Variants in ZNF385A observed in about 807,000 individuals in gnomAD.
ZNF385A encodes the protein zinc finger protein 385A, also known as hematopoietic zinc finger protein.
In ZNF385A, 14 loss-of-function variants were observed where a neutral mutation model predicts 32.1. That is an observed-to-expected ratio of 0.44 (90% CI 0.29 to 0.68). ZNF385A has a LOEUF of 0.68. Among genes scored for constraint, ZNF385A ranks in the 30% least tolerant of loss-of-function variants. The pLI is 0.14. For missense variants in ZNF385A, 406 were observed against 478.4 expected (o/e 0.85, Z 1.41); for synonymous variants, 197 against 202.7 (o/e 0.97, Z 0.24).
At chr12:54,378,670 G>C (rs998317021) in intron 1 of ZNF385A, among the ~76,000 whole-genome samples, 2 of 152,158 alleles carry the variant, frequency 1.3e-5, no homozygotes, top group African/African-American at 4.8e-5. Flanking sequence ...GAAGGACTGA[G>C]ATAGGAAAGA....
At chr12:54,371,413 T>C in intron 4 of ZNF385A, 60 bp downstream of exon 4, 1 of 1,570,106 alleles carries the variant, frequency 6.4e-7, no homozygotes, top group Non-Finnish European at 8.6e-7. Context: ...GGCATTAGGA[T>C]GTAGAGGCAG....
intron 1 of ZNF385A, chr12:54,381,170 TG>T (rs1955148074): frequency 2.3e-5 from 3 of 131,506 alleles, no homozygotes; most frequent in Non-Finnish European, 4.6e-5. Context: ...CACTCCAGCC[TG>T]GGGGACAGAG....
At chr12:54,376,596 T>C (rs1000456155) in intron 1 of ZNF385A, among the ~76,000 whole-genome samples, 10 of 152,206 alleles carry the variant, frequency 6.6e-5, no homozygotes, top group Admixed American at 5.2e-4. Flanking sequence ...TGGGGGGACC[T>C]AAGCAGCTGG....
chr12:54,385,890 C>T (rs535340228), upstream of ZNF385A: 36 of 153,510 alleles, frequency 2.3e-4, no homozygotes, highest in East Asian at 1.7e-3. Context: ...GAATCTGAGG[C>T]GACAGGGAGG....
At chr12:54,383,889 G>T (rs926533144) in intron 1 of ZNF385A, among the ~76,000 whole-genome samples, 1 of 152,138 alleles carries the variant, frequency 6.6e-6, no homozygotes, top group Non-Finnish European at 1.5e-5. Flanking sequence ...GTGAGACTCC[G>T]TCTCATAAAA....
At chr12:54,391,284 C>T in exon 1 of ZNF385A, 1 of 1,339,456 alleles carries the variant, frequency 7.5e-7, no homozygotes, top group Non-Finnish European at 9.6e-7. Context: ...GTCGCTCTGT[C>T]CCGGGGGCCG....
upstream of ZNF385A, among the ~76,000 whole-genome samples, chr12:54,385,966 T>C (rs867613347): frequency 4.0e-4 from 61 of 151,794 alleles, no homozygotes; most frequent in African/African-American, 1.4e-3. Context: ...GAGGGGTCTG[T>C]CTCTTTCACC....
At chr12:54,381,163 T>A (rs1320860367) in intron 1 of ZNF385A, 4 of 133,994 alleles carry the variant, frequency 3.0e-5, no homozygotes, top group African/African-American at 1.2e-4. Flanking sequence ...GCCACTGCAC[T>A]CCAGCCTGGG....
At position 54,370,137 on chromosome 12, in the gene ZNF385A, TGGG is replaced by T; in HGVS notation, c.*116_*118del. 1 of 460,914 alleles carries T rather than the reference TGGG, an allele frequency of 2.2e-6. No homozygotes were observed. The highest frequency in any genetic ancestry group is 3.2e-6 in the Non-Finnish European group (1 of 309,732). The allele number at this position is 460,914 out of a possible 1,614,324, so 28.6% of individuals were successfully genotyped here. A position where few individuals can be genotyped will look rare whatever the true frequency, so the allele number is the denominator to read the frequency against. On this transcript the variant is annotated 3_prime_UTR_variant, in exon 7 of 7. Coordinates refer to ENST00000394313, the MANE Select transcript of ZNF385A (RefSeq NM_015481.3). This position sits in a 1 kb window ranked among gnomAD's most constrained non-coding sequence, Gnocchi z 5.5. ...TTTCCTGGAACCCCGTATCTCGGGG[TGGG>T]GGGGGGGAAGGAGAGATCATTTAGG...
At chr12:54,375,510 C>A (rs529544897) in intron 2 of ZNF385A, among the ~76,000 whole-genome samples, 2 of 151,646 alleles carry the variant, frequency 1.3e-5, no homozygotes, top group Admixed American at 6.6e-5. Flanking sequence ...AACCAGTGGG[C>A]CAGAGGCCAC....
chr12:54,370,801 CGGCCCCCTCCCATCT>C lies in ZNF385A; in HGVS notation c.775-95_775-81del, dbSNP rs1264145071. The C allele has an allele frequency of 1.3e-6, 2 of 1,590,118 alleles. No individual in the cohort carries two copies. Among genetic ancestry groups the C allele is most frequent in the Non-Finnish European group, 1.7e-6 (2 of 1,168,654 alleles). On this transcript the variant is annotated intron_variant, in intron 5 of 6. Coordinates refer to ENST00000394313, the MANE Select transcript of ZNF385A (RefSeq NM_015481.3). The surrounding 1 kb of genome is among the most constrained non-coding windows in gnomAD (Gnocchi z 5.5). Reference sequence around the variant, plus strand: ...GGGAGTATAATCAAGCTCCAAGCACCGGCCCCCTCCCATCTGGCCCCCTGGGGAAAACTCTGAAGA... The same window carrying C: ...GGGAGTATAATCAAGCTCCAAGCACCGGCCCCCTGGGGAAAACTCTGAAGA...
intron 1 of ZNF385A, among the ~76,000 whole-genome samples, chr12:54,380,331 T>C (rs1955081293): frequency 6.6e-6 from 1 of 152,244 alleles, no homozygotes; most frequent in South Asian, 2.1e-4. Flanking sequence ...TAAGTACTAT[T>C]ATTATCTTCA....
chr12:54,382,421 C>T (rs1955240613), intron 1 of ZNF385A, among the ~76,000 whole-genome samples: 3 of 152,114 alleles, frequency 2.0e-5, no homozygotes, highest in African/African-American at 7.2e-5. Context: ...CTGGGTCCCT[C>T]ATTTGGGGGG....
upstream of ZNF385A, chr12:54,384,934 G>A: frequency 9.7e-7 from 1 of 1,026,018 alleles, no homozygotes; most frequent in East Asian, 8.4e-5. Context: ...TTCTGGTTTT[G>A]CTTTCCCCCA....
intron 2 of ZNF385A, among the ~76,000 whole-genome samples, chr12:54,374,739 G>C (rs73113372): frequency 0.024 from 3,692 of 152,234 alleles, 68 homozygotes; most frequent in Non-Finnish European, 0.039. Flanking sequence ...CATTTGATGG[G>C]GGAGGGGAGG....
intron 1 of ZNF385A, chr12:54,391,125 G>A (rs1955629523): frequency 3.3e-6 from 4 of 1,205,396 alleles, no homozygotes; most frequent in Non-Finnish European, 1.1e-6. Flanking sequence ...ACCGGTCGCT[G>A]ACGGGCGGCC....
chr12:54,391,250 G>C, exon 1 of ZNF385A: 1 of 1,406,952 alleles, frequency 7.1e-7, no homozygotes, highest in South Asian at 1.5e-5. Flanking sequence ...ATCATGCTGG[G>C]GACCCAGGCG....
chr12:54,371,335 T>C (rs999470781), intron 4 of ZNF385A, 138 bp downstream of exon 4: 38 of 1,232,920 alleles, frequency 3.1e-5, no homozygotes, highest in South Asian at 1.3e-4. Flanking sequence ...ACAGGGGAGA[T>C]GGCTGGAGAA....
Position 54,384,619 on chromosome 12 carries a change from C to T in ZNF385A, c.-105G>A, listed in dbSNP as rs1955371870. 1 of 1,424,360 alleles carries T rather than the reference C, an allele frequency of 7.0e-7. No homozygotes were observed. The highest frequency in any genetic ancestry group is 9.2e-7 in the Non-Finnish European group (1 of 1,091,830). 88.2% of individuals were successfully genotyped at this position (1,424,360 alleles called of 1,614,324 possible). On this transcript the variant is annotated 5_prime_UTR_variant, in exon 1 of 7. Coordinates refer to ENST00000394313, the MANE Select transcript of ZNF385A (RefSeq NM_015481.3). The stretch of plus-strand genomic sequence containing the variant: ...TAGGAAGATTAAAGCTTGGGAACCC[C>T]ACCCAAGCCTGCCAGTCCCACTCCC...
Sources: gnomAD v4.1 joint callset for allele counts (sites outside exome capture counted in the v4.1 genomes callset) on GRCh38, gnomAD v4.1.1 for gene constraint, Gnocchi (gnomAD v3.1) non-coding constraint, MANE v1.5 for transcripts, NCBI Gene and HGNC (gene_info 2026-07-23, HGNC 2026-07-21) for gene names.